The following FOXK1 variants were observed in gnomAD, a reference collection of about 807,000 sequenced individuals.
FOXK1 encodes forkhead box K1.
Under a neutral mutation model 51.9 loss-of-function variants are expected in FOXK1, and 19 were observed. That is an observed-to-expected ratio of 0.37 (90% CI 0.26 to 0.54). The LOEUF (loss-of-function observed/expected upper bound fraction) is 0.54, where lower values mean the gene tolerates loss of function less well. FOXK1 is among the 20% of genes least tolerant of loss of function. FOXK1 has a pLI of 0.87. For missense variants in FOXK1, 870 were observed against 1,032.7 expected (o/e 0.84, Z 2.16); for synonymous variants, 537 against 482.6 (o/e 1.11, Z -1.48).
At position 4,682,706 on chromosome 7, in the gene FOXK1, C is replaced by T. The variant is rs562918545; in HGVS notation, c.398C>T (p.Ser133Leu). 1.9e-6 allele frequency: 3 copies of T among 1,603,174 alleles called. No individual in the cohort carries two copies. The East Asian group carries it at 6.8e-5, about 36-fold the overall frequency. ...ATCGGCCGCAACTCGTCGCAGGGCTCGGTGGACTTGAGCATGGGCCTGTCC... is the reference window on the plus strand; with the variant it reads ...ATCGGCCGCAACTCGTCGCAGGGCTTGGTGGACTTGAGCATGGGCCTGTCC... Reference protein sequence around the residue: ...VTIGRNSSQGSVDLSMGLSSF... With the variant: ...VTIGRNSSQGLVDLSMGLSSF... Residue 133 changes from serine (S) to leucine (L), a missense_variant, in exon 1 of 9, where the codon TCG becomes TTG. Ser to Leu is a moderately radical substitution (Grantham distance 145, BLOSUM62 -2). Transcript: ENST00000328914. This position sits in a 1 kb window ranked among gnomAD's most constrained non-coding sequence, Gnocchi z 7.6.
chr7:4,714,214 A>G (rs1273842606), intron 1 of FOXK1, among the ~76,000 whole-genome samples: 1 of 152,048 alleles, frequency 6.6e-6, no homozygotes, highest in Non-Finnish European at 1.5e-5. Flanking sequence ...AAATCTTGTC[A>G]CCTTTACAAG....
At chr7:4,702,616 G>T (rs1039427261) in intron 1 of FOXK1, among the ~76,000 whole-genome samples, 1 of 152,222 alleles carries the variant, frequency 6.6e-6, no homozygotes, top group Non-Finnish European at 1.5e-5. Flanking sequence ...AAAGTGCTGG[G>T]ATTACAGGCA....
At chr7:4,726,279 C>G (rs895255085) in intron 1 of FOXK1, among the ~76,000 whole-genome samples, 6 of 152,174 alleles carry the variant, frequency 3.9e-5, no homozygotes, top group African/African-American at 1.4e-4. Context: ...TGCAGACCGT[C>G]TGTTGGAGCT....
Position 4,749,816 on chromosome 7 carries a change from C to T in FOXK1, c.747-4643C>T, listed in dbSNP as rs1002529863. On this transcript the variant is annotated intron_variant, in intron 2 of 8. Transcript: ENST00000328914. This position sits in a 1 kb window ranked among gnomAD's most constrained non-coding sequence, Gnocchi z 6.0. ...TCTGGGGACGGAGCCCAGCTGGCGGCTCCAGAGGTGGCTTTAGGTCTGTTG... is the reference window on the plus strand; with the variant it reads ...TCTGGGGACGGAGCCCAGCTGGCGGTTCCAGAGGTGGCTTTAGGTCTGTTG... Among the ~76,000 whole-genome samples the T allele has an allele frequency of 6.6e-6, 1 of 152,234 alleles. No individual in the cohort carries two copies. The highest frequency in any genetic ancestry group is 1.5e-5 in the Non-Finnish European group (1 of 68,040).
intron 3 of FOXK1, 100 bp downstream of exon 3, chr7:4,754,715 TGCTCGAGGTG>T: frequency 7.1e-7 from 1 of 1,399,918 alleles, no homozygotes; most frequent in South Asian, 1.3e-5. Context: ...TGCGGGCGTG[TGCTCGAGGTG>T]GTCTCAGCCC....
rs749664106 is a variant in FOXK1, at chr7:4,762,399, G to A, written c.2137G>A (p.Ala713Thr). The A allele has an allele frequency of 6.5e-7, 1 of 1,550,022 alleles. No homozygotes were observed. The highest frequency in any genetic ancestry group is 1.2e-5 in the South Asian group (1 of 84,050). The change falls in exon 9 of 9, where the codon GCT becomes ACT. Residue 713 changes from alanine to threonine, a missense_variant. Ala to Thr is a moderately conservative substitution (Grantham distance 58, BLOSUM62 0). This residue lies in a region of FOXK1 where 457 missense variants were observed against 510.8 expected (regional missense o/e 0.89). Coordinates refer to ENST00000328914, the MANE Select transcript of FOXK1 (RefSeq NM_001037165.2). This position sits in a 1 kb window ranked among gnomAD's most constrained non-coding sequence, Gnocchi z 5.7. ...KRSRVEEPSG[A>T]VTTPAGVIAA... is the part of the protein sequence containing the mutation. ...GTCCCGGGTGGAGGAGCCCAGTGGT[G>A]CTGTAACCACACCGGCTGGAGTGAT...
In FOXK1 at chr7:4,764,911, A is replaced by G. The variant is rs1780989749; in HGVS notation, c.*2447A>G. The G allele has an allele frequency of 6.6e-6, 1 of 152,322 alleles. No individual in the cohort carries two copies. The highest frequency in any genetic ancestry group is 6.5e-5 in the Admixed American group (1 of 15,284). The allele number at this position is 152,322 out of a possible 1,614,324, so 9.4% of individuals were successfully genotyped here. A position where few individuals can be genotyped will look rare whatever the true frequency, so the allele number is the denominator to read the frequency against. On this transcript the variant is annotated 3_prime_UTR_variant, in exon 9 of 9. Coordinates refer to ENST00000328914, the MANE Select transcript of FOXK1 (RefSeq NM_001037165.2). ...TTTCCTGGCTTCTGAGACGCAGCGC[A>G]TTCTTCCTGTTAGCGGTAGCGTTCT...
At chr7:4,750,469 A>G (rs1344263458) in intron 2 of FOXK1, among the ~76,000 whole-genome samples, 28 of 150,256 alleles carry the variant, frequency 1.9e-4, no homozygotes, top group Non-Finnish European at 4.1e-4. Flanking sequence ...TTGAGACAGA[A>G]TCTCGCTCTG....
intron 1 of FOXK1, among the ~76,000 whole-genome samples, chr7:4,728,746 A>AG (rs894963796): frequency 4.6e-5 from 7 of 150,568 alleles, no homozygotes; most frequent in Admixed American, 2.6e-4. Flanking sequence ...AAAAAAAAAA[A>AG]AAAAAGAAAG....
Position 4,709,553 on chromosome 7 carries a change from G to A in FOXK1, c.560+26685G>A, listed in dbSNP as rs1291296351. On this transcript the variant is annotated intron_variant, in intron 1 of 8. Coordinates refer to ENST00000328914, the MANE Select transcript of FOXK1 (RefSeq NM_001037165.2). This position sits in a 1 kb window ranked among gnomAD's most constrained non-coding sequence, Gnocchi z 5.6. ...ACCGGGGCAGGCGGACCTTCTCCGG[G>A]AGCCCTGTGCACAGTTGGCTTCGCA... Among the ~76,000 whole-genome samples, 2 of 152,188 alleles carry A rather than the reference G, an allele frequency of 1.3e-5. No individual in the cohort carries two copies. The highest frequency in any genetic ancestry group is 1.3e-4 in the Admixed American group (2 of 15,272).
chr7:4,705,554 T>TCTCTCTCG lies in FOXK1; in HGVS notation c.560+22691_560+22692insTCGCTCTC, dbSNP rs895937029. ...CTCTCTCTCTCTCTCTCTCTCTCTC[T>TCTCTCTCG]CTCTCGCTCTCGCTCTCTCGTCGCC... is the stretch of plus-strand genomic sequence containing the variant. On this transcript the variant is annotated intron_variant, in intron 1 of 8. Coordinates refer to ENST00000328914, the MANE Select transcript of FOXK1 (RefSeq NM_001037165.2). Among the ~76,000 whole-genome samples, 901 of 131,444 alleles carry TCTCTCTCG rather than the reference T, an allele frequency of 6.9e-3. 6 individuals are homozygous for TCTCTCTCG. Among genetic ancestry groups the TCTCTCTCG allele is most frequent in the African/African-American group, 0.02 (649 of 31,660 alleles). 86.2% of individuals were successfully genotyped at this position (131,444 alleles called of 152,430 possible). A position where few individuals can be genotyped will look rare whatever the true frequency, so the allele number is the denominator to read the frequency against.
rs1439621375 is a variant in FOXK1 at position 4,761,725 on chromosome 7, C to G, written c.1921+437C>G. On this transcript the variant is annotated intron_variant, in intron 8 of 8. Transcript: ENST00000328914. This position sits in a 1 kb window ranked among gnomAD's most constrained non-coding sequence, Gnocchi z 6.2. ...AAAAAAAAAGTGGGGGGAAAGAAAA[C>G]AGGGTGGAAGGAAAACCCAGATCTG... 6.6e-6 allele frequency among the ~76,000 whole-genome samples: 1 copy of G among 151,952 alleles called. No homozygotes were observed. Among genetic ancestry groups the G allele is most frequent in the East Asian group, 1.9e-4 (1 of 5,176 alleles).
rs774821762 is a variant in FOXK1 at position 4,722,660 on chromosome 7, C to T, written c.561-18178C>T. ...GCTGTCTCTAGTGTTTTCTGAGAAA[C>T]GGGATTTTCCTTGGGTGAAACGAGG... On this transcript the variant is annotated intron_variant, in intron 1 of 8. Coordinates refer to ENST00000328914, the MANE Select transcript of FOXK1 (RefSeq NM_001037165.2). This position sits in a 1 kb window ranked among gnomAD's most constrained non-coding sequence, Gnocchi z 5.1. Among the ~76,000 whole-genome samples the T allele has an allele frequency of 2.0e-5, 3 of 152,248 alleles. No individual in the cohort carries two copies. Among genetic ancestry groups the T allele is most frequent in the Non-Finnish European group, 2.9e-5 (2 of 68,044 alleles).
intron 1 of FOXK1, among the ~76,000 whole-genome samples, chr7:4,695,923 C>T (rs1445927756): frequency 2.8e-5 from 4 of 141,622 alleles, no homozygotes; most frequent in South Asian, 2.2e-4. Context: ...GCAACAAGAG[C>T]GAAACTCCGT....
At position 4,683,559 on chromosome 7, in the gene FOXK1, C is replaced by T. The variant is rs1178808179; in HGVS notation, c.560+691C>T. Among the ~76,000 whole-genome samples, 1 of 151,894 alleles carries T rather than the reference C, an allele frequency of 6.6e-6. No individual in the cohort carries two copies. Among genetic ancestry groups the T allele is most frequent in the Non-Finnish European group, 1.5e-5 (1 of 67,948 alleles). On this transcript the variant is annotated intron_variant, in intron 1 of 8. Transcript: ENST00000328914. The surrounding 1 kb of genome is among the most constrained non-coding windows in gnomAD (Gnocchi z 4.5). ...CCTGCTGCCTGGGCCTGGGGATCAC[C>T]CTCAACCCTTCCAGGTCACCCTGGA...
chr7:4,702,140 T>C (rs988977278), intron 1 of FOXK1, among the ~76,000 whole-genome samples: 8 of 152,142 alleles, frequency 5.3e-5, no homozygotes, highest in African/African-American at 1.9e-4. Context: ...GAATCCGTGC[T>C]TTTCATATTT....
intron 1 of FOXK1, among the ~76,000 whole-genome samples, chr7:4,726,663 T>G (rs1165527811): frequency 1.3e-5 from 2 of 151,110 alleles, no homozygotes; most frequent in African/African-American, 4.9e-5. Flanking sequence ...GGTGCCTGAG[T>G]CCAGAAGACA....
In FOXK1 at chr7:4,730,909, G is replaced by A. The variant is rs1466722914; in HGVS notation, c.561-9929G>A. Among the ~76,000 whole-genome samples, 2 of 152,188 alleles carry A rather than the reference G, an allele frequency of 1.3e-5. No homozygotes were observed. Among genetic ancestry groups the A allele is most frequent in the African/African-American group, 4.8e-5 (2 of 41,436 alleles). Reference sequence around the variant, plus strand: ...AGGATGGGCGCGGTGGCTCACTCCTGCAATCCCAGCACTTTGGGAGGCCGA... The same window carrying A: ...AGGATGGGCGCGGTGGCTCACTCCTACAATCCCAGCACTTTGGGAGGCCGA... On this transcript the variant is annotated intron_variant, in intron 1 of 8. Coordinates refer to ENST00000328914, the MANE Select transcript of FOXK1 (RefSeq NM_001037165.2). The surrounding 1 kb of genome is among the most constrained non-coding windows in gnomAD (Gnocchi z 4.7).
intron 1 of FOXK1, among the ~76,000 whole-genome samples, chr7:4,702,074 C>CA (rs1340450066): frequency 2.0e-5 from 3 of 151,632 alleles, no homozygotes; most frequent in East Asian, 1.9e-4. Flanking sequence ...GACCCTGTCT[C>CA]AAAAAAAACC....
Sources: gnomAD v4.1 joint callset for allele counts (sites outside exome capture counted in the v4.1 genomes callset) on GRCh38, gnomAD v4.1.1 for gene constraint, gnomAD v4.1.1 regional missense constraint, Gnocchi (gnomAD v3.1) non-coding constraint, MANE v1.5 for transcripts, NCBI Gene and HGNC (gene_info 2026-07-23, HGNC 2026-07-21) for gene names.